The following TTL variants were observed in gnomAD, a reference collection of about 807,000 sequenced individuals.
TTL encodes tubulin tyrosine ligase.
TTL carries 10 observed loss-of-function variants against 41.1 expected under a neutral mutation model. The observed-to-expected ratio is 0.24, with a 90% CI of 0.15 to 0.41. The LOEUF is 0.41. TTL is among the 10% of genes least tolerant of loss of function. The pLI is 1.00. For synonymous variants in TTL, 175 were observed against 175.5 expected, an observed-to-expected ratio of 1.00 and a Z score of 0.02; for missense variants, 367 against 460.4, an observed-to-expected ratio of 0.80 and a Z score of 1.86.
intron 1 of TTL, 41 bp from the exon 2 acceptor site, chr2:112,485,876 T>G (rs1681226811): frequency 6.6e-7 from 1 of 1,522,302 alleles, no homozygotes; most frequent in Non-Finnish European, 8.8e-7. Context: ...TCCTGCTTGC[T>G]GTGTCCTGTG....
intron 4 of TTL, among the ~76,000 whole-genome samples, 173 bp downstream of exon 4, chr2:112,501,514 C>G (rs1469556257): frequency 2.6e-5 from 4 of 151,572 alleles, no homozygotes; most frequent in Admixed American, 1.3e-4. Context: ...TTCTATTTTT[C>G]TTTCTTGTTT....
Position 112,537,382 on chromosome 2 carries a change from C to T in TTL, c.*8587C>T, listed in dbSNP as rs1418274386. 1 of 152,356 alleles carries T rather than the reference C, an allele frequency of 6.6e-6. No homozygotes were observed. Among genetic ancestry groups the T allele is most frequent in the Non-Finnish European group, 1.5e-5 (1 of 68,166 alleles). 9.4% of individuals were successfully genotyped at this position (152,356 alleles called of 1,614,324 possible). On this transcript the variant is annotated 3_prime_UTR_variant, in exon 7 of 7. Coordinates refer to ENST00000233336, the MANE Select transcript of TTL (RefSeq NM_153712.5). Reference sequence around the variant, plus strand: ...AGGCATGAGCCACCATGCCCAGCTGCTCTGTTTTAAATTCTTTGAGAAATC... The same window carrying T: ...AGGCATGAGCCACCATGCCCAGCTGTTCTGTTTTAAATTCTTTGAGAAATC...
intron 6 of TTL, among the ~76,000 whole-genome samples, chr2:112,523,772 T>G (rs1013031233): frequency 0.043 from 2 of 46 alleles, no homozygotes; most frequent in South Asian, 0.5. Flanking sequence ...GGCAACCAGT[T>G]TTTTTTTTTC....
chr2:112,523,700 G>A (rs1682301287), intron 6 of TTL, among the ~76,000 whole-genome samples: 1 of 152,108 alleles, frequency 6.6e-6, no homozygotes, highest in South Asian at 2.1e-4. Context: ...CCTTCCATAA[G>A]TATTTGCTGA....
intron 5 of TTL, among the ~76,000 whole-genome samples, chr2:112,509,678 C>T (rs796691711): frequency 2.2e-4 from 34 of 152,344 alleles, no homozygotes; most frequent in African/African-American, 7.9e-4. Flanking sequence ...TCGGCTCGCG[C>T]ACGGTGCGCA....
In TTL at chr2:112,537,804, A is replaced by G. The variant is rs1180085076; in HGVS notation, c.*9009A>G. On this transcript the variant is annotated 3_prime_UTR_variant, in exon 7 of 7. Coordinates refer to ENST00000233336, the MANE Select transcript of TTL (RefSeq NM_153712.5). The stretch of plus-strand genomic sequence containing the variant: ...TTGGAACCCTCAAAACTCCATTTCA[A>G]TAATAGCTAGAGCAACTAGGCAGAA... 2 of 152,240 alleles carry G rather than the reference A, an allele frequency of 1.3e-5. No homozygotes were observed. The highest frequency in any genetic ancestry group is 3.8e-4 in the East Asian group (2 of 5,204). The allele number at this position is 152,240 out of a possible 1,614,324, so 9.4% of individuals were successfully genotyped here.
In TTL at chr2:112,482,769, G is replaced by A. The variant is rs1681127428; in HGVS notation, c.157+268G>A. On this transcript the variant is annotated intron_variant, in intron 1 of 6. Coordinates refer to ENST00000233336, the MANE Select transcript of TTL (RefSeq NM_153712.5). The surrounding 1 kb of genome is among the most constrained non-coding windows in gnomAD (Gnocchi z 5.3). ...ACGGTGACCGGTCCCTGCAGCCCGG[G>A]AGACGCTGGCCGCCGGGGCTGGGAC... 6.6e-6 allele frequency among the ~76,000 whole-genome samples: 1 copy of A among 152,242 alleles called. No homozygotes were observed. Among genetic ancestry groups the A allele is most frequent in the African/African-American group, 2.4e-5 (1 of 41,474 alleles).
intron 5 of TTL, among the ~76,000 whole-genome samples, chr2:112,510,287 G>A (rs1681889146): frequency 6.6e-6 from 1 of 152,116 alleles, no homozygotes; most frequent in African/African-American, 2.4e-5. Flanking sequence ...ACACCACTGT[G>A]CCTGGCTAAT....
At position 112,533,858 on chromosome 2, in the gene TTL, C is replaced by G. The variant is rs1035522967; in HGVS notation, c.*5063C>G. The G allele has an allele frequency of 6.6e-6, 1 of 152,160 alleles. No homozygotes were observed. Among genetic ancestry groups the G allele is most frequent in the Non-Finnish European group, 1.5e-5 (1 of 68,044 alleles). 9.4% of individuals were successfully genotyped at this position (152,160 alleles called of 1,614,324 possible). ...TCCCTGAAGGCAAAGGAAAATGAAC[C>G]CCTCTCCAATGCAATACATAGTAGC... On this transcript the variant is annotated 3_prime_UTR_variant, in exon 7 of 7. Transcript: ENST00000233336.
chr2:112,484,645 C>G (rs571198581), intron 1 of TTL, among the ~76,000 whole-genome samples: 408 of 152,260 alleles, frequency 2.7e-3, no homozygotes, highest in African/African-American at 9.1e-3. Flanking sequence ...GGATATTTAC[C>G]TTTTGCTTAA....
At chr2:112,500,256 G>T (rs1391992851) in intron 3 of TTL, among the ~76,000 whole-genome samples, 2 of 151,054 alleles carry the variant, frequency 1.3e-5, no homozygotes, top group African/African-American at 2.4e-5. Flanking sequence ...TTTTTGGGGG[G>T]AGTGGTGAAA....
chr2:112,497,004 T>C (rs953275038), intron 3 of TTL, among the ~76,000 whole-genome samples: 2 of 151,948 alleles, frequency 1.3e-5, no homozygotes, highest in Non-Finnish European at 2.9e-5. Flanking sequence ...GTACTTTTAG[T>C]TGAGACAGGG....
chr2:112,503,039 A>G lies in TTL; in HGVS notation c.733A>G (p.Ile245Val), dbSNP rs1377560126. 1 of 1,614,114 alleles carries G rather than the reference A, an allele frequency of 6.2e-7. No homozygotes were observed. Among genetic ancestry groups the G allele is most frequent in the Non-Finnish European group, 8.5e-7 (1 of 1,180,018 alleles). Residue 245 changes from isoleucine to valine, a missense_variant, in exon 5 of 7, where the codon ATT (isoleucine) becomes GTT (valine). Ile to Val is a conservative substitution (Grantham distance 29). Coordinates refer to ENST00000233336, the MANE Select transcript of TTL (RefSeq NM_153712.5). ...DKTCHLTNHC[I>V]QKEYSKNYGK... The stretch of plus-strand genomic sequence containing the variant: ...AACCTGCCATTTGACCAATCACTGC[A>G]TTCAAAAAGAGTATTCAAAGAACTA...
At chr2:112,521,159 G>A (rs1248891423) in intron 6 of TTL, 1 of 984,952 alleles carries the variant, frequency 1.0e-6, no homozygotes, top group Admixed American at 6.1e-5. Flanking sequence ...AAGGTTGGTG[G>A]GGAGAGTCTT....
At chr2:112,511,725 C>T (rs971467860) in intron 5 of TTL, among the ~76,000 whole-genome samples, 3 of 151,052 alleles carry the variant, frequency 2.0e-5, no homozygotes, top group South Asian at 2.1e-4. Flanking sequence ...CTATCATGCC[C>T]GGCTAATTTT....
In TTL at chr2:112,532,483, T is replaced by C; in HGVS notation, c.*3688T>C. On this transcript the variant is annotated 3_prime_UTR_variant, in exon 7 of 7. Transcript: ENST00000233336. ...TCACTGGTCATTTAAATTCACCATATAATTAGCCGGGCATGGTGGCATGTG... is the reference window on the plus strand; with the variant it reads ...TCACTGGTCATTTAAATTCACCATACAATTAGCCGGGCATGGTGGCATGTG... 1 of 218,550 alleles carries C rather than the reference T, an allele frequency of 4.6e-6. No homozygotes were observed. Among genetic ancestry groups the C allele is most frequent in the Non-Finnish European group, 9.2e-6 (1 of 108,770 alleles). The allele number at this position is 218,550 out of a possible 1,614,324, so 13.5% of individuals were successfully genotyped here.
In TTL at chr2:112,514,225, A is replaced by C. The variant is rs534455120; in HGVS notation, c.876-6057A>C. Among the ~76,000 whole-genome samples, 7 of 152,160 alleles carry C rather than the reference A, an allele frequency of 4.6e-5. No individual in the cohort carries two copies. In the East Asian group the frequency reaches 1.4e-3, roughly 29 times the overall value. On this transcript the variant is annotated intron_variant, in intron 5 of 6. Coordinates refer to ENST00000233336, the MANE Select transcript of TTL (RefSeq NM_153712.5). Reference sequence around the variant, plus strand: ...GCTGAAACCCCATCTCTACCAAAATATGCAAAATTAGCTGGGCATGGTGGT... The same window carrying C: ...GCTGAAACCCCATCTCTACCAAAATCTGCAAAATTAGCTGGGCATGGTGGT...
Position 112,521,410 on chromosome 2 carries a change from C to G in TTL, c.1019+985C>G, listed in dbSNP as rs559008331. On this transcript the variant is annotated intron_variant, in intron 6 of 6. Transcript: ENST00000233336. ...GTCACTCGGACTCAATTCTCTTGTG[C>G]TGAGGGTTCTTCTGAAGATCCTCTT... 4.5e-5 allele frequency: 43 copies of G among 959,286 alleles called. No individual in the cohort carries two copies. In the South Asian group the frequency reaches 1.8e-3, roughly 40 times the overall value. The allele number at this position is 959,286 out of a possible 1,614,324, so 59.4% of individuals were successfully genotyped here. A position where few individuals can be genotyped will look rare whatever the true frequency, so the allele number is the denominator to read the frequency against.
chr2:112,520,500 G>A lies in TTL; in HGVS notation c.1019+75G>A, dbSNP rs1682195431. ...GTTGGGATAGTCTGTGGGTACAAGT[G>A]TAGTCACTTTGACTGCTGTGAGGGA... On this transcript the variant is annotated intron_variant, in intron 6 of 6. Coordinates refer to ENST00000233336, the MANE Select transcript of TTL (RefSeq NM_153712.5). The A allele has an allele frequency of 3.8e-6, 6 of 1,572,324 alleles. 1 individual carries two copies. In the South Asian group the frequency reaches 6.9e-5, roughly 18 times the overall value.
Sources: allele counts gnomAD v4.1 joint callset (sites outside exome capture counted in the v4.1 genomes callset), GRCh38; gene constraint gnomAD v4.1.1; non-coding constraint Gnocchi (gnomAD v3.1); transcripts MANE v1.5; gene names NCBI Gene and HGNC (gene_info 2026-07-23, HGNC 2026-07-21).